EIF2AK2: variants seen among roughly 807,000 people sequenced by gnomAD.
EIF2AK2 encodes eukaryotic translation initiation factor 2 alpha kinase 2.
In EIF2AK2, 40 loss-of-function variants were observed where a neutral mutation model predicts 70.5. The ratio of observed to expected loss-of-function variants is 0.57; its 90% CI spans 0.44 to 0.74. The LOEUF is 0.74. EIF2AK2 is among the 30% of genes least tolerant of loss of function. The pLI, the probability that EIF2AK2 is intolerant of heterozygous loss-of-function variation, is 0.00. For synonymous variants in EIF2AK2, 198 were observed against 220.9 expected (o/e 0.90, Z 0.92); for missense variants, 555 against 644.3 (o/e 0.86, Z 1.50).
chr2:37,147,588 T>C (rs2148712712), intron 3 of EIF2AK2, 100 bp downstream of exon 3: 9 of 730,082 alleles, frequency 1.2e-5, no homozygotes, highest in Middle Eastern at 5.5e-4. Flanking sequence ...CTTGCGATAG[T>C]TTGCTGAGAA....
rs1673881297 is a variant in EIF2AK2 at position 37,103,592 on chromosome 2, A to C, written c.*3681T>G. 1 of 152,254 alleles carries C rather than the reference A, an allele frequency of 6.6e-6. No individual in the cohort carries two copies. The highest frequency in any genetic ancestry group is 2.1e-4 in the South Asian group (1 of 4,830). 9.4% of individuals were successfully genotyped at this position (152,254 alleles called of 1,614,324 possible). A position where few individuals can be genotyped will look rare whatever the true frequency, so the allele number is the denominator to read the frequency against. On this transcript the variant is annotated 3_prime_UTR_variant, in exon 17 of 17. Coordinates refer to ENST00000233057, the MANE Select transcript of EIF2AK2 (RefSeq NM_001135651.3). ...GTTTCTTTTGAATATAGCCTCATTA[A>C]TCAAAACCAGATATTGTTTTTTTAA... is the stretch of plus-strand genomic sequence containing the variant.
chr2:37,121,722 G>A (rs1181124785), intron 12 of EIF2AK2, among the ~76,000 whole-genome samples: 1 of 150,348 alleles, frequency 6.7e-6, no homozygotes, highest in Non-Finnish European at 1.5e-5. Flanking sequence ...CTTGAAAACA[G>A]GAAGAGGTAG....
rs1673866993 is a variant in EIF2AK2 at position 37,103,147 on chromosome 2, A to G, written c.*4126T>C. 6.6e-6 allele frequency: 1 copy of G among 152,064 alleles called. No individual in the cohort carries two copies. The highest frequency in any genetic ancestry group is 6.6e-5 in the Admixed American group (1 of 15,266). The allele number at this position is 152,064 out of a possible 1,614,324, so 9.4% of individuals were successfully genotyped here. A position where few individuals can be genotyped will look rare whatever the true frequency, so the allele number is the denominator to read the frequency against. On this transcript the variant is annotated 3_prime_UTR_variant, in exon 17 of 17. Coordinates refer to ENST00000233057, the MANE Select transcript of EIF2AK2 (RefSeq NM_001135651.3). ...TACTCACAAATCAAAAGAAGTTGCT[A>G]AGAAATGCTATATTCATTTAATAAG...
chr2:37,128,831 A>T (rs1464310532), intron 10 of EIF2AK2, among the ~76,000 whole-genome samples: 2 of 152,240 alleles, frequency 1.3e-5, no homozygotes, highest in Non-Finnish European at 2.9e-5. Flanking sequence ...CAATGGCATC[A>T]GGTGAAGAGA....
At position 37,138,619 on chromosome 2, in the gene EIF2AK2, T is replaced by C. The variant is rs200590544; in HGVS notation, c.517-34A>G. The C allele has an allele frequency of 2.0e-4, 319 of 1,582,292 alleles. 2 individuals are homozygous for C. In the African/African-American group the frequency reaches 3.8e-3, roughly 19 times the overall value. ...AAAAGTATCCCTTAGTAGGCTTAAA[T>C]ACAACTAATTATTTCTCTACAGAGG... On this transcript the variant is annotated intron_variant, in intron 6 of 16. Transcript: ENST00000233057.
At chr2:37,118,030 G>A (rs6544058) in intron 13 of EIF2AK2, among the ~76,000 whole-genome samples, 1,683 of 152,202 alleles carry the variant, frequency 0.011, 24 homozygotes, top group African/African-American at 0.039. Context: ...GCTTGAGGCC[G>A]GGTGCAGTGG....
chr2:37,125,813 C>T (rs1257574644), intron 11 of EIF2AK2, among the ~76,000 whole-genome samples: 1 of 152,182 alleles, frequency 6.6e-6, no homozygotes, highest in South Asian at 2.1e-4. Context: ...TGGAGCAGTG[C>T]CTTATACAAT....
chr2:37,127,880 C>T (rs1261249189), intron 10 of EIF2AK2, among the ~76,000 whole-genome samples: 28 of 152,060 alleles, frequency 1.8e-4, no homozygotes, highest in Non-Finnish European at 8.8e-5. Flanking sequence ...GTAGCTGAGA[C>T]TACAGGTGCA....
In EIF2AK2 at chr2:37,114,863, T is replaced by C. The variant is rs761575150; in HGVS notation, c.1249-4A>G. On this transcript the variant is annotated splice_region_variant and splice_polypyrimidine_tract_variant and intron_variant, in intron 13 of 16. Transcript: ENST00000233057. ...CTACTAAGAATATATTACTTGGCTA[T>C]GAAAAAAAAAAATTTAACTTACATG... The C allele has an allele frequency of 1.3e-6, 2 of 1,542,636 alleles. No homozygotes were observed. Among genetic ancestry groups the C allele is most frequent in the South Asian group, 1.2e-5 (1 of 81,218 alleles).
chr2:37,118,992 C>T (rs1239933601), intron 13 of EIF2AK2, among the ~76,000 whole-genome samples: 2 of 152,056 alleles, frequency 1.3e-5, no homozygotes, highest in Non-Finnish European at 2.9e-5. Flanking sequence ...GGAATTACAA[C>T]CAAAGGGGGC....
Position 37,122,560 on chromosome 2 carries a change from T to C in EIF2AK2, c.1013A>G (p.Asp338Gly). 2 of 1,614,192 alleles carry C rather than the reference T, an allele frequency of 1.2e-6. No individual in the cohort carries two copies. The highest frequency in any genetic ancestry group is 3.3e-4 in the Middle Eastern group (2 of 6,062). The change falls in exon 12 of 17, where the codon GAT becomes GGT. Residue 338 changes from aspartate (D) to glycine (G), a missense_variant. By Grantham distance (94) the Asp-to-Gly change is moderately conservative. This residue lies in a region of EIF2AK2 where 299 missense variants were observed against 375.4 expected (regional missense o/e 0.80). Transcript: ENST00000233057. ...DGFDYDPETS[D>G]DSLESSDYDP... is the part of the protein sequence containing the mutation. ...ATAATCACTGCTCTCAAGAGAATCA[T>C]CACTGGTCTCAGGATCATAATCAAA...
intron 14 of EIF2AK2, among the ~76,000 whole-genome samples, chr2:37,113,892 A>C (rs886086226): frequency 6.6e-6 from 1 of 152,290 alleles, no homozygotes; most frequent in East Asian, 1.9e-4. Context: ...TAGAATGACA[A>C]TTAAACAGCA....
chr2:37,111,872 A>G (rs1403089464), intron 14 of EIF2AK2, among the ~76,000 whole-genome samples: 10 of 45,070 alleles, frequency 2.2e-4, no homozygotes, highest in Non-Finnish European at 4.4e-4. Context: ...AAAAAAAAAA[A>G]AAAAAAATAT....
intron 4 of EIF2AK2, among the ~76,000 whole-genome samples, chr2:37,146,350 T>C (rs1375767038): frequency 6.6e-6 from 1 of 152,204 alleles, no homozygotes; most frequent in Non-Finnish European, 1.5e-5. Context: ...TATGGGAAGA[T>C]GTAAATAGGT....
chr2:37,130,433 T>C (rs988197511), intron 10 of EIF2AK2, among the ~76,000 whole-genome samples: 1 of 152,016 alleles, frequency 6.6e-6, no homozygotes, highest in Non-Finnish European at 1.5e-5. Flanking sequence ...CCACCCATTC[T>C]CCCCACAATA....
chr2:37,119,446 A>G (rs1674456549), intron 13 of EIF2AK2, among the ~76,000 whole-genome samples: 1 of 152,144 alleles, frequency 6.6e-6, no homozygotes, highest in African/African-American at 2.4e-5. Context: ...GGCAGGAGGA[A>G]CAGGGGCAGA....
intron 10 of EIF2AK2, among the ~76,000 whole-genome samples, chr2:37,129,021 C>G (rs1040700692): frequency 1.3e-5 from 2 of 152,090 alleles, no homozygotes; most frequent in Admixed American, 6.5e-5. Flanking sequence ...GAAGGTCAAA[C>G]TTTTCTCTAC....
At position 37,139,177 on chromosome 2, in the gene EIF2AK2, C is replaced by T. The variant is rs191839117; in HGVS notation, c.516+454G>A. 1.5e-3 allele frequency among the ~76,000 whole-genome samples: 222 copies of T among 151,786 alleles called. 1 individual carries two copies. Among genetic ancestry groups the T allele is most frequent in the African/African-American group, 5.2e-3 (216 of 41,432 alleles). Reference sequence around the variant, plus strand: ...CTAAAAATAAAAAATTAGCCGGGCACGGTAGCAGGCGCTTGTAGTCCCAGC... The same window carrying T: ...CTAAAAATAAAAAATTAGCCGGGCATGGTAGCAGGCGCTTGTAGTCCCAGC... On this transcript the variant is annotated intron_variant, in intron 6 of 16. Coordinates refer to ENST00000233057, the MANE Select transcript of EIF2AK2 (RefSeq NM_001135651.3).
chr2:37,133,561 C>T (rs1256989603), intron 10 of EIF2AK2, among the ~76,000 whole-genome samples: 2 of 152,162 alleles, frequency 1.3e-5, no homozygotes, highest in Admixed American at 1.3e-4. Context: ...GACTCCCCAG[C>T]TGGTTTCATT....
Sources: gnomAD v4.1 joint callset for allele counts (sites outside exome capture counted in the v4.1 genomes callset) on GRCh38, gnomAD v4.1.1 for gene constraint, gnomAD v4.1.1 regional missense constraint, MANE v1.5 for transcripts, NCBI Gene and HGNC (gene_info 2026-07-23, HGNC 2026-07-21) for gene names.